SEC63: variants seen among roughly 807,000 people sequenced by gnomAD.
SEC63 encodes SEC63 protein translocation regulator.
SEC63 carries 56 observed loss-of-function variants against 116.2 expected under a neutral mutation model. That is an observed-to-expected ratio of 0.48 (90% CI 0.39 to 0.60). The LOEUF (loss-of-function observed/expected upper bound fraction) is 0.60. Among genes scored for constraint, SEC63 ranks in the 20% least tolerant of loss-of-function variants. The pLI is 0.00. For missense variants in SEC63, 668 were observed against 900.0 expected, an observed-to-expected ratio of 0.74 and a Z score of 3.30; for synonymous variants, 273 against 294.6, an observed-to-expected ratio of 0.93 and a Z score of 0.75.
At chr6:107,919,690 C>T (rs1268977430) in intron 4 of SEC63, among the ~76,000 whole-genome samples, 5 of 151,750 alleles carry the variant, frequency 3.3e-5, no homozygotes, top group Admixed American at 6.6e-5. Flanking sequence ...GGCATGTTGG[C>T]GGGTGCCTGT....
At chr6:107,886,135 T>G (rs1006771274) in intron 16 of SEC63, among the ~76,000 whole-genome samples, 2 of 152,178 alleles carry the variant, frequency 1.3e-5, no homozygotes, top group African/African-American at 4.8e-5. Flanking sequence ...TTGTGTTAGT[T>G]TGCTGAGAAT....
Position 107,901,522 on chromosome 6 carries a change from AT to A in SEC63, c.1210-6del. On this transcript the variant is annotated splice_region_variant and splice_polypyrimidine_tract_variant and intron_variant, in intron 12 of 20. Transcript: ENST00000369002. ...CTGGATAGTTTTAATTTTATACTGA[AT>A]AAAAAAAAAAAAGAAAATACATAAT... 2 of 1,531,236 alleles carry A rather than the reference AT, an allele frequency of 1.3e-6. No homozygotes were observed. Among genetic ancestry groups the A allele is most frequent in the East Asian group, 2.3e-5 (1 of 43,168 alleles). 94.9% of individuals were successfully genotyped at this position (1,531,236 alleles called of 1,614,324 possible). A position where few individuals can be genotyped will look rare whatever the true frequency, so the allele number is the denominator to read the frequency against.
At chr6:107,954,554 G>A (rs1271426456) in intron 1 of SEC63, 1 of 151,364 alleles carries the variant, frequency 6.6e-6, no homozygotes, top group East Asian at 1.9e-4. Flanking sequence ...AGACCCTATG[G>A]GGTCTAAAGT....
intron 1 of SEC63, among the ~76,000 whole-genome samples, chr6:107,943,380 T>A (rs925936836): frequency 1.3e-5 from 2 of 152,276 alleles, no homozygotes; most frequent in Non-Finnish European, 2.9e-5. Context: ...TAAAGCTGAC[T>A]AGTATCTACA....
At chr6:107,902,462 G>T in intron 12 of SEC63, among the ~76,000 whole-genome samples, 1 of 152,124 alleles carries the variant, frequency 6.6e-6, no homozygotes, top group Non-Finnish European at 1.5e-5. Flanking sequence ...AATAAGAACT[G>T]TCTTTATTTG....
intron 18 of SEC63, among the ~76,000 whole-genome samples, chr6:107,880,107 G>A (rs1786377326): frequency 6.6e-6 from 1 of 152,184 alleles, no homozygotes. Flanking sequence ...CCTAACAGAT[G>A]GACTAAAGCT....
chr6:107,956,037 C>T (rs1034755369), intron 1 of SEC63: 2 of 409,118 alleles, frequency 4.9e-6, no homozygotes, highest in Non-Finnish European at 1.0e-5. Context: ...GCCAGCTACT[C>T]GGGGGGCTGA....
Position 107,936,931 on chromosome 6 carries a change from A to G in SEC63, c.125-7417T>C, listed in dbSNP as rs139482308. ...CTCCCTCTACTAGACCTCAGTGTCA[A>G]TTGTTGCCATCACTATGTCCATGTG... On this transcript the variant is annotated intron_variant, in intron 1 of 20. Coordinates refer to ENST00000369002, the MANE Select transcript of SEC63 (RefSeq NM_007214.5). Among the ~76,000 whole-genome samples, 286 of 152,268 alleles carry G rather than the reference A, an allele frequency of 1.9e-3. 1 individual carries two copies. The highest frequency in any genetic ancestry group is 3.6e-3 in the Non-Finnish European group (242 of 68,022).
At chr6:107,946,277 G>A (rs942047175) in intron 1 of SEC63, among the ~76,000 whole-genome samples, 18 of 150,504 alleles carry the variant, frequency 1.2e-4, no homozygotes, top group African/African-American at 3.9e-4. Flanking sequence ...CTGTCGCCCG[G>A]GCCAGAGTGC....
intron 1 of SEC63, among the ~76,000 whole-genome samples, chr6:107,933,799 T>C (rs1408433618): frequency 1.3e-5 from 2 of 151,778 alleles, no homozygotes; most frequent in African/African-American, 4.8e-5. Context: ...TGCTGCCATC[T>C]TGGCTCACTG....
At chr6:107,944,732 C>G (rs546844565) in intron 1 of SEC63, among the ~76,000 whole-genome samples, 3 of 136,538 alleles carry the variant, frequency 2.2e-5, no homozygotes, top group Non-Finnish European at 3.2e-5. Context: ...AGAAGTCTAG[C>G]CTGGAAATAG....
At chr6:107,910,669 T>C (rs1162998198) in intron 7 of SEC63, among the ~76,000 whole-genome samples, 3 of 152,114 alleles carry the variant, frequency 2.0e-5, no homozygotes, top group Non-Finnish European at 4.4e-5. Context: ...ACATCTGTCA[T>C]GCATATGTAC....
In SEC63 at chr6:107,908,563, C is replaced by T. The variant is rs77761610; in HGVS notation, c.733+364G>A. ...TCAGTTTCCTCATCTATAAGATGTACTGTAAAACAGCACTCACTTACGAGA... is the reference window on the plus strand; with the variant it reads ...TCAGTTTCCTCATCTATAAGATGTATTGTAAAACAGCACTCACTTACGAGA... On this transcript the variant is annotated intron_variant, in intron 8 of 20. Transcript: ENST00000369002. Among the ~76,000 whole-genome samples the T allele has an allele frequency of 2.4e-3, 363 of 152,188 alleles. 9 individuals carry two copies. The East Asian group carries it at 0.029, about 12-fold the overall frequency.
At chr6:107,914,218 T>C (rs957842541) in intron 4 of SEC63, among the ~76,000 whole-genome samples, 1 of 152,010 alleles carries the variant, frequency 6.6e-6, no homozygotes, top group Non-Finnish European at 1.5e-5. Flanking sequence ...AAATATACAA[T>C]GTAGTTAAGG....
intron 11 of SEC63, among the ~76,000 whole-genome samples, chr6:107,904,210 G>A (rs1787083873): frequency 6.6e-6 from 1 of 151,200 alleles, no homozygotes; most frequent in African/African-American, 2.4e-5. Context: ...AGGAGATGGA[G>A]ACCATCCTGG....
Position 107,870,647 on chromosome 6 carries a change from A to C in SEC63, c.*1057T>G, listed in dbSNP as rs529276372. The C allele has an allele frequency of 3.3e-5, 5 of 152,316 alleles. No individual in the cohort carries two copies. The highest frequency in any genetic ancestry group is 1.3e-4 in the Admixed American group (2 of 15,296). The allele number at this position is 152,316 out of a possible 1,614,324, so 9.4% of individuals were successfully genotyped here. A position where few individuals can be genotyped will look rare whatever the true frequency, so the allele number is the denominator to read the frequency against. On this transcript the variant is annotated 3_prime_UTR_variant, in exon 21 of 21. Coordinates refer to ENST00000369002, the MANE Select transcript of SEC63 (RefSeq NM_007214.5). ...CCTGGGTTTTTCTACAGTATACAGA[A>C]ATAGCAGTCACTTTAGCAGTAATGT...
intron 1 of SEC63, among the ~76,000 whole-genome samples, chr6:107,955,744 A>C (rs1261486070): frequency 6.6e-6 from 1 of 151,950 alleles, no homozygotes; most frequent in East Asian, 1.9e-4. Context: ...AAATAAGCCA[A>C]GCCTGGTGGT....
intron 17 of SEC63, 103 bp from the exon 18 acceptor site, chr6:107,881,353 T>C: frequency 1.3e-6 from 1 of 767,394 alleles, no homozygotes; most frequent in South Asian, 1.5e-5. Context: ...CTACTTAGGA[T>C]TAGAACAAGT....
At chr6:107,903,074 C>G (rs1401923514) in intron 11 of SEC63, 76 bp from the exon 12 acceptor site, 1 of 1,438,114 alleles carries the variant, frequency 7.0e-7, no homozygotes, top group South Asian at 1.2e-5. Context: ...ATCACAAAAA[C>G]AAAATTCACA....
Sources: allele counts gnomAD v4.1 joint callset (sites outside exome capture counted in the v4.1 genomes callset), GRCh38; gene constraint gnomAD v4.1.1; transcripts MANE v1.5; gene names NCBI Gene and HGNC (gene_info 2026-07-23, HGNC 2026-07-21).